Variants in SPR observed in about 807,000 individuals in gnomAD.
SPR encodes the protein Sepiapterin reductase (L-erythro-7,8-dihydrobiopterin forming).
In SPR, 12 loss-of-function variants were observed where a neutral mutation model predicts 16.0. The observed-to-expected ratio is 0.75, with a 90% CI of 0.48 to 1.22. SPR has a LOEUF of 1.22. Among genes scored for constraint, SPR ranks in the 50% most tolerant of loss-of-function variants. SPR has a pLI of 0.00. For missense variants in SPR, 324 were observed against 344.4 expected, an observed-to-expected ratio of 0.94 and a Z score of 0.47; for synonymous variants, 177 against 168.5, an observed-to-expected ratio of 1.05 and a Z score of -0.39.
In SPR at chr2:72,887,490, G is replaced by T; in HGVS notation, c.58G>T (p.Gly20Cys). 4 of 1,499,856 alleles carry T rather than the reference G, an allele frequency of 2.7e-6. No homozygotes were observed. The highest frequency in any genetic ancestry group is 1.4e-5 in the African/African-American group (1 of 69,056). 92.9% of individuals were successfully genotyped at this position (1,499,856 alleles called of 1,614,324 possible). A position where few individuals can be genotyped will look rare whatever the true frequency, so the allele number is the denominator to read the frequency against. The change falls in exon 1 of 3, where the codon GGC becomes TGC. Residue 20 changes from glycine (G) to cysteine (C), a missense_variant. Transcript: ENST00000234454. ...CLLTGASRGF[G>C]RTLAPLLASL... The stretch of plus-strand genomic sequence containing the variant: ...GCTGACCGGGGCCTCCCGCGGCTTC[G>T]GCCGGACGCTGGCCCCGCTCCTGGC...
chr2:72,891,544 G>GT lies in SPR; in HGVS notation c.*12dup, dbSNP rs746335387. ...GGACTTCTATGACAAATAAGCCCAT[G>GT]TTTTTGGCTTCCTGAACCTTTTTGC... On this transcript the variant is annotated 3_prime_UTR_variant, in exon 3 of 3. Transcript: ENST00000234454. 253 of 1,614,134 alleles carry GT rather than the reference G, an allele frequency of 1.6e-4. No individual in the cohort carries two copies. Among genetic ancestry groups the GT allele is most frequent in the Non-Finnish European group, 1.8e-4 (214 of 1,180,052 alleles).
chr2:72,891,251 C>T, intron 2 of SPR, 96 bp from the exon 3 acceptor site: 1 of 1,342,260 alleles, frequency 7.5e-7, no homozygotes, highest in Non-Finnish European at 1.1e-6. Context: ...TCTGGCCAGA[C>T]CTGACTCAGC....
At chr2:72,888,660 G>C in intron 2 of SPR, 56 bp downstream of exon 2, 1 of 1,528,826 alleles carries the variant, frequency 6.5e-7, no homozygotes, top group Non-Finnish European at 8.8e-7. Flanking sequence ...GCGCCTCTGG[G>C]GGCTGGGCAA....
At chr2:72,890,229 G>T (rs1000839533) in intron 2 of SPR, among the ~76,000 whole-genome samples, 1 of 152,234 alleles carries the variant, frequency 6.6e-6, no homozygotes, top group African/African-American at 2.4e-5. Context: ...TGTAGAGTAG[G>T]TGTGCCCAGA....
intron 2 of SPR, among the ~76,000 whole-genome samples, chr2:72,890,106 G>C (rs573482364): frequency 1.3e-5 from 2 of 152,332 alleles, no homozygotes; most frequent in African/African-American, 4.8e-5. Context: ...GGCTTTATTG[G>C]AGGTAGCTGA....
rs746123620 is a variant in SPR at position 72,891,724 on chromosome 2, G to A, written c.*187G>A. 1.4e-6 allele frequency: 1 copy of A among 701,362 alleles called. No individual in the cohort carries two copies. Among genetic ancestry groups the A allele is most frequent in the Non-Finnish European group, 2.5e-6 (1 of 405,036 alleles). 43.4% of individuals were successfully genotyped at this position (701,362 alleles called of 1,614,324 possible). A position where few individuals can be genotyped will look rare whatever the true frequency, so the allele number is the denominator to read the frequency against. On this transcript the variant is annotated 3_prime_UTR_variant, in exon 3 of 3. Transcript: ENST00000234454. ...GGTCATTGGCCTTACCAGTTGTCAG[G>A]AGTCTGTGCTGTGCACCCTGGGTTA...
At position 72,891,696 on chromosome 2, in the gene SPR, C is replaced by T; in HGVS notation, c.*159C>T. Reference sequence around the variant, plus strand: ...CTCAGGCACAGCCAGCTGTGAGCTCCCAGGTCATTGGCCTTACCAGTTGTC... The same window carrying T: ...CTCAGGCACAGCCAGCTGTGAGCTCTCAGGTCATTGGCCTTACCAGTTGTC... On this transcript the variant is annotated 3_prime_UTR_variant, in exon 3 of 3. Transcript: ENST00000234454. The T allele has an allele frequency of 1.2e-6, 1 of 847,946 alleles. No individual in the cohort carries two copies. Among genetic ancestry groups the T allele is most frequent in the Admixed American group, 2.1e-5 (1 of 48,690 alleles). The allele number at this position is 847,946 out of a possible 1,614,324, so 52.5% of individuals were successfully genotyped here.
Position 72,887,538 on chromosome 2 carries a change from G to A in SPR, c.106G>A (p.Val36Met), listed in dbSNP as rs869312688. Residue 36 changes from valine (V) to methionine (M), a missense_variant, in exon 1 of 3, where the codon GTG (valine) becomes ATG (methionine). Coordinates refer to ENST00000234454, the MANE Select transcript of SPR (RefSeq NM_003124.5). ...LLASLLSPGS[V>M]LVLSARNDEA... is the part of the protein sequence containing the mutation. ...GGCCTCGCTGCTGTCGCCCGGCTCC[G>A]TGCTTGTCCTTAGCGCCCGCAACGA... is the stretch of plus-strand genomic sequence containing the variant. 6.8e-7 allele frequency: 1 copy of A among 1,471,142 alleles called. No homozygotes were observed. The highest frequency in any genetic ancestry group is 1.3e-5 in the South Asian group (1 of 76,426). The allele number at this position is 1,471,142 out of a possible 1,614,324, so 91.1% of individuals were successfully genotyped here.
In SPR at chr2:72,891,829, A is replaced by G. The variant is rs1670626341; in HGVS notation, c.*292A>G. Reference sequence around the variant, plus strand: ...GAACTTAAGGGGTGGGAAGAACAGGAAAAGAAGCTGGAACACAGAAGAGAG... The same window carrying G: ...GAACTTAAGGGGTGGGAAGAACAGGGAAAGAAGCTGGAACACAGAAGAGAG... On this transcript the variant is annotated 3_prime_UTR_variant, in exon 3 of 3. Coordinates refer to ENST00000234454, the MANE Select transcript of SPR (RefSeq NM_003124.5). 2.1e-6 allele frequency: 1 copy of G among 465,996 alleles called. No individual in the cohort carries two copies. Among genetic ancestry groups the G allele is most frequent in the Non-Finnish European group, 3.9e-6 (1 of 253,264 alleles). The allele number at this position is 465,996 out of a possible 1,614,324, so 28.9% of individuals were successfully genotyped here. A position where few individuals can be genotyped will look rare whatever the true frequency, so the allele number is the denominator to read the frequency against.
chr2:72,891,590 C>T lies in SPR; in HGVS notation c.*53C>T. Reference sequence around the variant, plus strand: ...TTTGCCCCCACTTTTAGACATACCCCAGAGCCCTGTGGCTCCCCACACCCT... The same window carrying T: ...TTTGCCCCCACTTTTAGACATACCCTAGAGCCCTGTGGCTCCCCACACCCT... On this transcript the variant is annotated 3_prime_UTR_variant, in exon 3 of 3. Coordinates refer to ENST00000234454, the MANE Select transcript of SPR (RefSeq NM_003124.5). 2 of 1,603,614 alleles carry T rather than the reference C, an allele frequency of 1.2e-6. No individual in the cohort carries two copies. Among genetic ancestry groups the T allele is most frequent in the Non-Finnish European group, 1.7e-6 (2 of 1,173,108 alleles).
At position 72,891,641 on chromosome 2, in the gene SPR, C is replaced by T. The variant is rs150989441; in HGVS notation, c.*104C>T. ...GCCATAGGGGCAGTCCTGCCTTACA[C>T]ATAGAAGCATTCATGCCTGCTGCCC... On this transcript the variant is annotated 3_prime_UTR_variant, in exon 3 of 3. Coordinates refer to ENST00000234454, the MANE Select transcript of SPR (RefSeq NM_003124.5). 13 of 1,342,684 alleles carry T rather than the reference C, an allele frequency of 9.7e-6. No individual in the cohort carries two copies. The East Asian group carries it at 3.1e-4, about 32-fold the overall frequency. 83.2% of individuals were successfully genotyped at this position (1,342,684 alleles called of 1,614,324 possible). A position where few individuals can be genotyped will look rare whatever the true frequency, so the allele number is the denominator to read the frequency against.
chr2:72,890,560 C>T (rs181711664), intron 2 of SPR, among the ~76,000 whole-genome samples: 1 of 152,222 alleles, frequency 6.6e-6, no homozygotes, highest in Admixed American at 6.5e-5. Context: ...CCAGGATGGT[C>T]TCAATCTCCT....
intron 2 of SPR, 141 bp from the exon 3 acceptor site, chr2:72,891,206 C>G: frequency 1.1e-6 from 1 of 899,114 alleles, no homozygotes; most frequent in Non-Finnish European, 1.8e-6. Flanking sequence ...TTTGGCAACC[C>G]TGACCACACA....
At chr2:72,888,687 C>G in intron 2 of SPR, 83 bp downstream of exon 2, 1 of 1,423,632 alleles carries the variant, frequency 7.0e-7, no homozygotes, top group Non-Finnish European at 9.4e-7. Flanking sequence ...TAGTCCGCCC[C>G]CTCCAGGAAA....
chr2:72,889,818 C>T (rs1039123841), intron 2 of SPR, among the ~76,000 whole-genome samples: 3 of 152,150 alleles, frequency 2.0e-5, no homozygotes, highest in Non-Finnish European at 4.4e-5. Flanking sequence ...GTTTTCATTT[C>T]GGTCTCAGGA....
intron 2 of SPR, among the ~76,000 whole-genome samples, chr2:72,890,931 G>T (rs562503172): frequency 6.6e-6 from 1 of 152,300 alleles, no homozygotes; most frequent in East Asian, 1.9e-4. Context: ...TTGTAAAAAG[G>T]GCCTGATTGT....
chr2:72,891,828 GA>G lies in SPR; in HGVS notation c.*295del. 2.1e-6 allele frequency: 1 copy of G among 467,324 alleles called. No homozygotes were observed. The highest frequency in any genetic ancestry group is 3.9e-6 in the Non-Finnish European group (1 of 254,326). The allele number at this position is 467,324 out of a possible 1,614,324, so 28.9% of individuals were successfully genotyped here. A position where few individuals can be genotyped will look rare whatever the true frequency, so the allele number is the denominator to read the frequency against. ...AGAACTTAAGGGGTGGGAAGAACAG[GA>G]AAAGAAGCTGGAACACAGAAGAGAG... On this transcript the variant is annotated 3_prime_UTR_variant, in exon 3 of 3. Transcript: ENST00000234454.
At chr2:72,887,777 C>A (rs1264333248) in intron 1 of SPR, 41 bp downstream of exon 1, 3 of 1,457,080 alleles carry the variant, frequency 2.1e-6, no homozygotes, top group Non-Finnish European at 2.7e-6. Flanking sequence ...ATGTGAGCGC[C>A]CACTTCCTCC....
In SPR at chr2:72,888,552, C is replaced by T. The variant is rs903787203; in HGVS notation, c.543C>T (p.Phe181=). Residue 181 remains phenylalanine, a synonymous_variant, in exon 2 of 3, where the codon TTC becomes TTT. Transcript: ENST00000234454. Reference sequence around the variant, plus strand: ...GAAAGGCTGCTCGTGATATGCTGTTCCAGGTCCTGGCGCTGGAGGAACCTA... The same window carrying T: ...GAAAGGCTGCTCGTGATATGCTGTTTCAGGTCCTGGCGCTGGAGGAACCTA... The part of the protein sequence containing the change: ...CAGKAARDML[F]QVLALEEPNV... 2.9e-5 allele frequency: 46 copies of T among 1,598,262 alleles called. No individual in the cohort carries two copies. The highest frequency in any genetic ancestry group is 3.9e-5 in the Non-Finnish European group (46 of 1,170,798).
Sources: allele counts gnomAD v4.1 joint callset (sites outside exome capture counted in the v4.1 genomes callset), GRCh38; gene constraint gnomAD v4.1.1; transcripts MANE v1.5; gene names NCBI Gene and HGNC (gene_info 2026-07-23, HGNC 2026-07-21).